The following SIK2 variants were observed in gnomAD, a reference collection of about 807,000 sequenced individuals.
SIK2 encodes serine/threonine-protein kinase SIK2.
In SIK2, 29 loss-of-function variants were observed where a neutral mutation model predicts 103.2. The ratio of observed to expected loss-of-function variants is 0.28; its 90% confidence interval spans 0.21 to 0.38. The LOEUF is 0.38. SIK2 is among the 10% of genes least tolerant of loss of function. SIK2 has a pLI of 1.00. For missense variants in SIK2, 879 were observed against 1,171.0 expected, an observed-to-expected ratio of 0.75 and a Z score of 3.64; for synonymous variants, 412 against 446.1, an observed-to-expected ratio of 0.92 and a Z score of 0.96.
intron 4 of SIK2, among the ~76,000 whole-genome samples, chr11:111,690,537 C>G (rs1402903941): frequency 6.6e-6 from 1 of 151,914 alleles, no homozygotes; most frequent in Admixed American, 6.6e-5. Context: ...TGGTTTGTTG[C>G]ACCTATCAAC....
At position 111,725,934 on chromosome 11, in the gene SIK2, T is replaced by C. The variant is rs1024786612; in HGVS notation, c.*1805T>C. On this transcript the variant is annotated 3_prime_UTR_variant, in exon 15 of 15. Coordinates refer to ENST00000304987, the MANE Select transcript of SIK2 (RefSeq NM_015191.3). ...AGTGTGGGGACTGTCATTTTTGTGA[T>C]TTAATAACACACAGTGAAAATCCAG... 6.6e-6 allele frequency: 1 copy of C among 152,242 alleles called. No individual in the cohort carries two copies. Among genetic ancestry groups the C allele is most frequent in the Non-Finnish European group, 1.5e-5 (1 of 68,042 alleles). 9.4% of individuals were successfully genotyped at this position (152,242 alleles called of 1,614,324 possible). A position where few individuals can be genotyped will look rare whatever the true frequency, so the allele number is the denominator to read the frequency against.
intron 4 of SIK2, among the ~76,000 whole-genome samples, chr11:111,694,328 A>G (rs1326661393): frequency 6.6e-6 from 1 of 152,158 alleles, no homozygotes; most frequent in African/African-American, 2.4e-5. Flanking sequence ...TGGTTGATGC[A>G]ACTTAATTTT....
intron 2 of SIK2, among the ~76,000 whole-genome samples, chr11:111,619,965 C>T (rs1454832754): frequency 6.6e-6 from 1 of 152,164 alleles, no homozygotes; most frequent in African/African-American, 2.4e-5. Context: ...AAAAGTAGAT[C>T]TTCAAAACTT....
intron 3 of SIK2, among the ~76,000 whole-genome samples, chr11:111,635,587 A>T (rs1178889551): frequency 6.6e-6 from 1 of 152,232 alleles, no homozygotes; most frequent in Non-Finnish European, 1.5e-5. Context: ...CGAAGGAAAT[A>T]AAGTTAAGTT....
rs1390587268 is a variant in SIK2 at position 111,666,946 on chromosome 11, TA to T, written c.317-21054del. On this transcript the variant is annotated intron_variant, in intron 3 of 14. Transcript: ENST00000304987. ...AGTCATTATCTTTTTTATTTTATTTTATTTATTTATTTATTTATTTATTTAT... is the reference window on the plus strand; with the variant it reads ...AGTCATTATCTTTTTTATTTTATTTTTTTATTTATTTATTTATTTATTTAT... Among the ~76,000 whole-genome samples the T allele has an allele frequency of 3.3e-4, 3 of 8,982 alleles. No individual in the cohort carries two copies. In the Non-Finnish European group the frequency reaches 0.068, roughly 204 times the overall value. The allele number at this position is 8,982 out of a possible 152,430, so 5.9% of individuals were successfully genotyped here.
At chr11:111,660,605 C>A (rs1344527781) in intron 3 of SIK2, among the ~76,000 whole-genome samples, 1 of 152,140 alleles carries the variant, frequency 6.6e-6, no homozygotes, top group Non-Finnish European at 1.5e-5. Context: ...TAGATACAGT[C>A]CTTCCTCAGA....
intron 4 of SIK2, among the ~76,000 whole-genome samples, chr11:111,692,350 CAAAAAAAAAAAAAAAAAAAAAAAA>C (rs763369049): frequency 2.3e-4 from 6 of 26,488 alleles, no homozygotes; most frequent in East Asian, 1.9e-3. Context: ...GACTCAGTCT[CAAAAAAAAAAAAAAAAAAAAAAAA>C]AAAAAAAAAA....
intron 3 of SIK2, among the ~76,000 whole-genome samples, chr11:111,641,761 C>T (rs1942186790): frequency 6.6e-6 from 1 of 152,138 alleles, no homozygotes; most frequent in African/African-American, 2.4e-5. Flanking sequence ...TAGTGTAGAC[C>T]TAGCTCTTTT....
chr11:111,685,165 G>A (rs1942828624), intron 3 of SIK2, among the ~76,000 whole-genome samples: 1 of 152,202 alleles, frequency 6.6e-6, no homozygotes, highest in Non-Finnish European at 1.5e-5. Context: ...ATTTTTCCCA[G>A]GTTGGGGAGG....
At chr11:111,666,260 C>A (rs1390418545) in intron 3 of SIK2, among the ~76,000 whole-genome samples, 1 of 152,170 alleles carries the variant, frequency 6.6e-6, no homozygotes, top group Non-Finnish European at 1.5e-5. Context: ...GTTGGAGTTC[C>A]TTTCAGGTTC....
chr11:111,701,475 C>T lies in SIK2; in HGVS notation c.627C>T (p.Val209=), dbSNP rs1943210427. 6.2e-7 allele frequency: 1 copy of T among 1,613,644 alleles called. No homozygotes were observed. The highest frequency in any genetic ancestry group is 1.1e-5 in the South Asian group (1 of 91,046). ...DIWSMGVVLY[V]LVCGALPFDG... is the part of the protein sequence containing the mutation. Reference sequence around the variant, plus strand: ...AGAGTATGGGAGTTGTTCTTTATGTCCTTGTCTGTGGAGCTCTGCCCTTTG... The same window carrying T: ...AGAGTATGGGAGTTGTTCTTTATGTTCTTGTCTGTGGAGCTCTGCCCTTTG... Residue 209 remains valine, a synonymous_variant, in exon 6 of 15, where the codon GTC becomes GTT. Transcript: ENST00000304987. The surrounding 1 kb of genome is among the most constrained non-coding windows in gnomAD (Gnocchi z 4.2).
At chr11:111,648,056 A>G (rs1186933389) in intron 3 of SIK2, among the ~76,000 whole-genome samples, 1 of 152,116 alleles carries the variant, frequency 6.6e-6, no homozygotes, top group Non-Finnish European at 1.5e-5. Flanking sequence ...GAATTAGGGA[A>G]TCTGTAATGT....
intron 3 of SIK2, among the ~76,000 whole-genome samples, chr11:111,620,637 A>G (rs1591590773): frequency 6.6e-6 from 1 of 152,172 alleles, no homozygotes; most frequent in African/African-American, 2.4e-5. Flanking sequence ...AATCAAACAT[A>G]TGGAGGAACT....
intron 3 of SIK2, among the ~76,000 whole-genome samples, chr11:111,628,679 A>G (rs1248350839): frequency 2.0e-5 from 3 of 152,046 alleles, no homozygotes; most frequent in Admixed American, 6.6e-5. Context: ...CACATGCCTC[A>G]GCCTCCCAAA....
In SIK2 at chr11:111,723,823, G is replaced by GCCACCACCCCCTCCA. The variant is rs760438071; in HGVS notation, c.2483_2497dup (p.Pro828_Pro832dup). 3 of 1,190,340 alleles carry GCCACCACCCCCTCCA rather than the reference G, an allele frequency of 2.5e-6. No homozygotes were observed. Among genetic ancestry groups the GCCACCACCCCCTCCA allele is most frequent in the Non-Finnish European group, 3.5e-6 (3 of 861,526 alleles). The allele number at this position is 1,190,340 out of a possible 1,614,324, so 73.7% of individuals were successfully genotyped here. A position where few individuals can be genotyped will look rare whatever the true frequency, so the allele number is the denominator to read the frequency against. On this transcript the variant is annotated inframe_insertion, in exon 15 of 15. Coordinates refer to ENST00000304987, the MANE Select transcript of SIK2 (RefSeq NM_015191.3). ...AGCTACAGCAGCAGCAGCCGCCACC[G>GCCACCACCCCCTCCA]CCACCACCCCCTCCACCACCACGAC...
chr11:111,672,079 A>T (rs1441993347), intron 3 of SIK2: 2 of 496,100 alleles, frequency 4.0e-6, no homozygotes, highest in Admixed American at 2.2e-5. Context: ...GAAGGAGGCA[A>T]ACTTCTTGTC....
chr11:111,706,580 C>G (rs1249390525), intron 8 of SIK2, among the ~76,000 whole-genome samples: 1 of 152,124 alleles, frequency 6.6e-6, no homozygotes, highest in Non-Finnish European at 1.5e-5. Flanking sequence ...GCATTGGCAT[C>G]TACAGAGTAT....
chr11:111,668,180 GTGTGT>G (rs1565343263), intron 3 of SIK2, among the ~76,000 whole-genome samples: 3 of 68,540 alleles, frequency 4.4e-5, no homozygotes, highest in East Asian at 2.0e-4. Flanking sequence ...AAAGTAAGGA[GTGTGT>G]GTGTGTGTGT....
In SIK2 at chr11:111,727,280, C is replaced by T; in HGVS notation, c.*3151C>T. 1.7e-6 allele frequency: 1 copy of T among 577,854 alleles called. No individual in the cohort carries two copies. Among genetic ancestry groups the T allele is most frequent in the East Asian group, 2.8e-5 (1 of 35,858 alleles). 35.8% of individuals were successfully genotyped at this position (577,854 alleles called of 1,614,324 possible). On this transcript the variant is annotated 3_prime_UTR_variant, in exon 15 of 15. Transcript: ENST00000304987. ...GGGGAGTGGGGATGGGGCTCAGGGGCTGTTCATGCCCATCTGAGCAAACCC... is the reference window on the plus strand; with the variant it reads ...GGGGAGTGGGGATGGGGCTCAGGGGTTGTTCATGCCCATCTGAGCAAACCC...
Sources: gnomAD v4.1 joint callset for allele counts (sites outside exome capture counted in the v4.1 genomes callset) on GRCh38, gnomAD v4.1.1 for gene constraint, Gnocchi (gnomAD v3.1) non-coding constraint, MANE v1.5 for transcripts, NCBI Gene and HGNC (gene_info 2026-07-23, HGNC 2026-07-21) for gene names.